Variants in LRRC7 observed in about 807,000 individuals in gnomAD.
The protein encoded by LRRC7 is leucine rich repeat containing 7.
A neutral mutation model predicts 175.7 loss-of-function variants in LRRC7; 23 were observed. That is an observed-to-expected ratio of 0.13 (90% CI 0.09 to 0.19). The LOEUF is 0.19. LRRC7 is among the 10% of genes least tolerant of loss of function. LRRC7 has a pLI of 1.00. For synonymous variants in LRRC7, 685 were observed against 680.9 expected (o/e 1.01, Z -0.09); for missense variants, 1,354 against 1,904.7 (o/e 0.71, Z 5.38).
intron 8 of LRRC7, among the ~76,000 whole-genome samples, chr1:69,961,025 G>A (rs993087700): frequency 6.6e-6 from 1 of 151,718 alleles, no homozygotes; most frequent in Non-Finnish European, 1.5e-5. Flanking sequence ...TCAAATAGGA[G>A]GGGAGGAAGT....
chr1:70,028,259 C>T lies in LRRC7; in HGVS notation c.1883C>T (p.Pro628Leu), dbSNP rs775100037. Residue 628 changes from proline (P) to leucine (L), a missense_variant, in exon 18 of 27, where the codon CCA becomes CTA. Physicochemically the swap from Pro to Leu is moderately conservative, Grantham distance 98. Coordinates refer to ENST00000651989, the MANE Select transcript of LRRC7 (RefSeq NM_001370785.2). ...VKSVQNLVGK[P>L]SHGVRVENSN... ...TCTGTTCAAAATTTGGTGGGTAAGC[C>T]AAGCCATGGAGTGCGTGTTGAGAAT... 2.5e-6 allele frequency: 4 copies of T among 1,613,654 alleles called. No homozygotes were observed. Among genetic ancestry groups the T allele is most frequent in the Non-Finnish European group, 2.5e-6 (3 of 1,179,782 alleles).
intron 8 of LRRC7, among the ~76,000 whole-genome samples, chr1:69,958,661 G>A (rs918343838): frequency 7.9e-5 from 12 of 152,086 alleles, no homozygotes; most frequent in African/African-American, 2.4e-4. Flanking sequence ...GGACAGGAAG[G>A]AAACACAAAT....
intron 7 of LRRC7, among the ~76,000 whole-genome samples, chr1:69,847,911 T>C (rs72943221): frequency 7.9e-4 from 120 of 152,244 alleles, no homozygotes; most frequent in African/African-American, 2.7e-3. Context: ...ATGTCAAGAA[T>C]TGTCATAGCT....
intron 1 of LRRC7, among the ~76,000 whole-genome samples, chr1:69,644,796 G>A (rs1145925): frequency 0.22 from 33,464 of 151,812 alleles, 4,170 homozygotes; most frequent in South Asian, 0.29. Context: ...ATCATTAACA[G>A]ATTAGGCTTA....
intron 2 of LRRC7, among the ~76,000 whole-genome samples, chr1:69,700,205 C>T (rs1310033536): frequency 6.6e-6 from 1 of 152,156 alleles, no homozygotes; most frequent in Non-Finnish European, 1.5e-5. Context: ...TGAAGCCAAA[C>T]TGTCTGTGTT....
At chr1:69,928,419 A>G (rs1022093513) in intron 7 of LRRC7, among the ~76,000 whole-genome samples, 4 of 152,220 alleles carry the variant, frequency 2.6e-5, no homozygotes, top group African/African-American at 4.8e-5. Context: ...GGTGGAGCCT[A>G]CAGAGGCAGG....
At chr1:69,890,395 G>C (rs1354557412) in intron 7 of LRRC7, among the ~76,000 whole-genome samples, 1 of 152,148 alleles carries the variant, frequency 6.6e-6, no homozygotes, top group Non-Finnish European at 1.5e-5. Flanking sequence ...CTGAGCAGTA[G>C]GTCTCAACAG....
At chr1:69,684,232 AC>A (rs1458033566) in intron 2 of LRRC7, among the ~76,000 whole-genome samples, 2 of 152,168 alleles carry the variant, frequency 1.3e-5, no homozygotes, top group Non-Finnish European at 2.9e-5. Context: ...ATAACACATG[AC>A]ATATTGCCTG....
intron 11 of LRRC7, among the ~76,000 whole-genome samples, chr1:69,996,718 G>A (rs1570953880): frequency 6.6e-6 from 1 of 152,018 alleles, no homozygotes; most frequent in African/African-American, 2.4e-5. Flanking sequence ...TAGATATGTG[G>A]CGTTATTTCT....
In LRRC7 at chr1:70,132,447, CTTTTCTTTTCTTTT is replaced by C. The variant is rs1666703687; in HGVS notation, c.*10565_*10578del. Reference sequence around the variant, plus strand: ...CCAGAGTACTTTTCTTTTTTCTTTTCTTTTCTTTTCTTTTTTTTTTTTTTTTTTTTTTTTTTGAG... The same window carrying C: ...CCAGAGTACTTTTCTTTTTTCTTTTCTTTTTTTTTTTTTTTTTTTTTTGAG... On this transcript the variant is annotated 3_prime_UTR_variant, in exon 27 of 27. Coordinates refer to ENST00000651989, the MANE Select transcript of LRRC7 (RefSeq NM_001370785.2). Among the ~76,000 whole-genome samples the C allele has an allele frequency of 2.9e-5, 2 of 69,540 alleles. No homozygotes were observed. The highest frequency in any genetic ancestry group is 5.3e-5 in the Non-Finnish European group (2 of 37,564). 45.6% of individuals were successfully genotyped at this position (69,540 alleles called of 152,430 possible). A position where few individuals can be genotyped will look rare whatever the true frequency, so the allele number is the denominator to read the frequency against.
chr1:69,724,882 T>C (rs976043950), intron 2 of LRRC7, among the ~76,000 whole-genome samples: 2 of 152,152 alleles, frequency 1.3e-5, no homozygotes, highest in African/African-American at 4.8e-5. Context: ...TAATTAGACA[T>C]TTATTTGGTT....
chr1:69,983,567 T>C (rs1488504092), intron 9 of LRRC7, among the ~76,000 whole-genome samples: 1 of 152,168 alleles, frequency 6.6e-6, no homozygotes, highest in East Asian at 1.9e-4. Flanking sequence ...TCATCCACGG[T>C]CATAACCCCA....
chr1:69,876,585 T>C (rs1686062817), intron 7 of LRRC7, among the ~76,000 whole-genome samples: 1 of 152,182 alleles, frequency 6.6e-6, no homozygotes, highest in Admixed American at 6.6e-5. Context: ...TAAAAATCTT[T>C]TATTAAACCA....
At chr1:69,755,491 G>A (rs952763055) in intron 2 of LRRC7, among the ~76,000 whole-genome samples, 1 of 150,182 alleles carries the variant, frequency 6.7e-6, no homozygotes, top group African/African-American at 2.4e-5. Context: ...TAGAATACAA[G>A]AAAGATGTAT....
chr1:69,866,032 A>G (rs1453012031), intron 7 of LRRC7, among the ~76,000 whole-genome samples: 1 of 152,228 alleles, frequency 6.6e-6, no homozygotes, highest in Non-Finnish European at 1.5e-5. Flanking sequence ...GGGCAAGATG[A>G]AACATTCTCA....
chr1:70,065,752 C>G (rs1416423174), intron 23 of LRRC7, among the ~76,000 whole-genome samples: 5 of 151,974 alleles, frequency 3.3e-5, no homozygotes. Flanking sequence ...GTAGTATCAT[C>G]TTGACTTATG....
intron 7 of LRRC7, among the ~76,000 whole-genome samples, chr1:69,844,125 A>T (rs1682058318): frequency 6.6e-6 from 1 of 152,152 alleles, no homozygotes; most frequent in Non-Finnish European, 1.5e-5. Flanking sequence ...TTGTAATTTT[A>T]TAACTGTTTC....
intron 2 of LRRC7, among the ~76,000 whole-genome samples, chr1:69,742,800 GT>G (rs1208621643): frequency 6.6e-6 from 1 of 151,770 alleles, no homozygotes; most frequent in Non-Finnish European, 1.5e-5. Flanking sequence ...TGACCTTATT[GT>G]TTATAGAGCA....
chr1:69,707,209 GAC>G (rs1425035542), intron 2 of LRRC7, among the ~76,000 whole-genome samples: 1 of 152,174 alleles, frequency 6.6e-6, no homozygotes, highest in Non-Finnish European at 1.5e-5. Context: ...TGTAAGTGCA[GAC>G]ACTGTCATAT....
Sources: allele counts gnomAD v4.1 joint callset (sites outside exome capture counted in the v4.1 genomes callset), GRCh38; gene constraint gnomAD v4.1.1; transcripts MANE v1.5; gene names NCBI Gene and HGNC (gene_info 2026-07-23, HGNC 2026-07-21).